The following PIGN variants were observed in gnomAD, a reference collection of about 807,000 sequenced individuals.
The protein encoded by PIGN is GPI ethanolamine phosphate transferase 1.
PIGN carries 117 observed loss-of-function variants against 125.4 expected under a neutral mutation model. That is an observed-to-expected ratio of 0.93 (90% CI 0.80 to 1.09). PIGN has a LOEUF of 1.09. PIGN is among the 50% of genes least tolerant of loss of function. The pLI, the probability that PIGN is intolerant of heterozygous loss-of-function variation, is 0.00. For missense variants in PIGN, 1,075 were observed against 1,094.9 expected (o/e 0.98, Z 0.26); for synonymous variants, 392 against 377.8 (o/e 1.04, Z -0.44).
At chr18:62,095,595 G>A (rs1180223077) in intron 23 of PIGN, among the ~76,000 whole-genome samples, 3 of 151,950 alleles carry the variant, frequency 2.0e-5, no homozygotes, top group Non-Finnish European at 4.4e-5. Context: ...ATAGTTAAAT[G>A]GTATTTTAGC....
chr18:62,073,075 T>C (rs2032977080), intron 29 of PIGN, among the ~76,000 whole-genome samples: 1 of 152,134 alleles, frequency 6.6e-6, no homozygotes, highest in African/African-American at 2.4e-5. Context: ...CTGTACTGAC[T>C]ACCTACTGTG....
rs1190537033 is a variant in PIGN at position 62,074,774 on chromosome 18, C to T, written c.2619+5G>A. 2 of 1,597,086 alleles carry T rather than the reference C, an allele frequency of 1.3e-6. No homozygotes were observed. Among genetic ancestry groups the T allele is most frequent in the Non-Finnish European group, 1.7e-6 (2 of 1,166,316 alleles). On this transcript the variant is annotated splice_donor_5th_base_variant and intron_variant, in intron 29 of 30. Coordinates refer to ENST00000640252, the MANE Select transcript of PIGN (RefSeq NM_176787.5). ...ATTTATATGGACTACCCAGTAATGCCTTACCAAAGCCATAATGTCTGATAT... is the reference window on the plus strand; with the variant it reads ...ATTTATATGGACTACCCAGTAATGCTTTACCAAAGCCATAATGTCTGATAT...
chr18:62,076,957 C>A (rs1325463670), intron 28 of PIGN, among the ~76,000 whole-genome samples: 1 of 152,212 alleles, frequency 6.6e-6, no homozygotes, highest in East Asian at 1.9e-4. Flanking sequence ...GTTGCAGCAA[C>A]AGAATCCACT....
intron 10 of PIGN, among the ~76,000 whole-genome samples, chr18:62,145,699 G>C (rs932867207): frequency 1.3e-5 from 2 of 152,246 alleles, no homozygotes; most frequent in Admixed American, 6.5e-5. Context: ...CTAGTTATTA[G>C]CAGTGGTGTG....
At chr18:62,105,259 A>C in intron 20 of PIGN, 1 of 211,730 alleles carries the variant, frequency 4.7e-6, no homozygotes, top group East Asian at 1.1e-4. Context: ...CTCCAAGCAT[A>C]AAAGAAAGAA....
At chr18:62,103,844 A>G (rs2034539661) in intron 20 of PIGN, 1 of 152,204 alleles carries the variant, frequency 6.6e-6, no homozygotes, top group African/African-American at 2.4e-5. Flanking sequence ...TTATCATTAA[A>G]ATTTAGGAAA....
chr18:62,133,287 C>T (rs6420564), intron 14 of PIGN, among the ~76,000 whole-genome samples: 149,742 of 152,296 alleles, frequency 0.98, 73,670 homozygotes, highest in East Asian at 1. Context: ...TCAAGGTGCA[C>T]GTTGTAGACA....
At chr18:62,168,063 G>A (rs1334215935) in intron 1 of PIGN, among the ~76,000 whole-genome samples, 3 of 49,804 alleles carry the variant, frequency 6.0e-5, no homozygotes, top group African/African-American at 1.1e-4. Flanking sequence ...GCGTGGTGGC[G>A]CACCCAACCA....
In PIGN at chr18:62,162,876, T is replaced by A. The variant is rs147572718; in HGVS notation, c.-109-547A>T. ...TTTTTACTAAACAACCTAATGAACA[T>A]TAAATGCTAAATTATCAATATGAAT... On this transcript the variant is annotated intron_variant, in intron 2 of 30. Coordinates refer to ENST00000640252, the MANE Select transcript of PIGN (RefSeq NM_176787.5). Among the ~76,000 whole-genome samples the A allele has an allele frequency of 7.7e-3, 1,172 of 152,266 alleles. 5 individuals are homozygous for A. Among genetic ancestry groups the A allele is most frequent in the African/African-American group, 0.02 (820 of 41,582 alleles).
intron 14 of PIGN, among the ~76,000 whole-genome samples, chr18:62,125,210 A>T (rs2035485315): frequency 6.6e-6 from 1 of 150,488 alleles, no homozygotes; most frequent in African/African-American, 2.4e-5. Context: ...GTGTATATAA[A>T]TATACACGTT....
chr18:62,166,225 G>C (rs1332131252), intron 1 of PIGN, among the ~76,000 whole-genome samples: 1 of 152,098 alleles, frequency 6.6e-6, no homozygotes, highest in African/African-American at 2.4e-5. Context: ...GAAACATATT[G>C]GTTGCAGGCA....
At chr18:62,059,468 G>T (rs2031982098) in intron 30 of PIGN, among the ~76,000 whole-genome samples, 1 of 152,216 alleles carries the variant, frequency 6.6e-6, no homozygotes, top group African/African-American at 2.4e-5. Flanking sequence ...ACATTATTCA[G>T]CAATGAATAA....
Position 62,105,586 on chromosome 18 carries a change from G to T in PIGN, c.1816C>A (p.Pro606Thr), listed in dbSNP as rs776011686. The change falls in exon 20 of 31, where the codon CCA becomes ACA. Residue 606 changes from proline (P) to threonine (T), a missense_variant. This residue lies in a region of PIGN where 915 missense variants were observed against 908.7 expected (regional missense o/e 1.01). Coordinates refer to ENST00000640252, the MANE Select transcript of PIGN (RefSeq NM_176787.5). ...TFFSLLLAVF[P>T]LMPVVGRKPD... is the part of the protein sequence containing the mutation. ...TTTCGACCTACAACCGGCATCAGTG[G>T]GAACACTGCCAGGAGCAAAGAGAAG... is the stretch of plus-strand genomic sequence containing the variant. 1 of 1,555,782 alleles carries T rather than the reference G, an allele frequency of 6.4e-7. No individual in the cohort carries two copies. Among genetic ancestry groups the T allele is most frequent in the East Asian group, 2.4e-5 (1 of 41,216 alleles).
intron 1 of PIGN, among the ~76,000 whole-genome samples, chr18:62,164,227 T>C (rs2037052461): frequency 6.6e-6 from 1 of 152,106 alleles, no homozygotes. Context: ...AGCTGGAAAA[T>C]ATGGAAAACT....
rs369565216 is a variant in PIGN, at chr18:62,125,148, G to A, written c.1173-10509C>T. Among the ~76,000 whole-genome samples, 54 of 83,022 alleles carry A rather than the reference G, an allele frequency of 6.5e-4. 7 individuals carry two copies. Among genetic ancestry groups the A allele is most frequent in the South Asian group, 4.0e-3 (11 of 2,754 alleles). 54.5% of individuals were successfully genotyped at this position (83,022 alleles called of 152,430 possible). A position where few individuals can be genotyped will look rare whatever the true frequency, so the allele number is the denominator to read the frequency against. The stretch of plus-strand genomic sequence containing the variant: ...TAAATATACACGTTTGTACATATGT[G>A]TATATACATGTTTGTACATATGTGT... On this transcript the variant is annotated intron_variant, in intron 14 of 30. Transcript: ENST00000640252.
At chr18:62,034,952 C>T (rs1568104982) in intron 23 of PIGN, among the ~76,000 whole-genome samples, 1 of 152,102 alleles carries the variant, frequency 6.6e-6, no homozygotes, top group Non-Finnish European at 1.5e-5. Flanking sequence ...TCTGTGTCCC[C>T]ACCCAAACCA....
At chr18:62,067,279 C>T (rs1387903484) in intron 30 of PIGN, among the ~76,000 whole-genome samples, 1 of 152,208 alleles carries the variant, frequency 6.6e-6, no homozygotes, top group Non-Finnish European at 1.5e-5. Flanking sequence ...GCATACTAGG[C>T]TCCACTCATT....
chr18:62,180,628 A>G (rs745704768), intron 1 of PIGN, among the ~76,000 whole-genome samples: 13 of 152,120 alleles, frequency 8.5e-5, no homozygotes, highest in Non-Finnish European at 1.2e-4. Flanking sequence ...TTATTGGCCA[A>G]TTGGGTCTCT....
intron 23 of PIGN, among the ~76,000 whole-genome samples, chr18:62,091,990 C>T (rs35054488): frequency 0.038 from 5,722 of 152,170 alleles, 168 homozygotes; most frequent in East Asian, 0.082. Context: ...CAGCATACGC[C>T]ACTATTTCCT....
Sources: gnomAD v4.1 joint callset for allele counts (sites outside exome capture counted in the v4.1 genomes callset) on GRCh38, gnomAD v4.1.1 for gene constraint, gnomAD v4.1.1 regional missense constraint, MANE v1.5 for transcripts, NCBI Gene and HGNC (gene_info 2026-07-23, HGNC 2026-07-21) for gene names.